Variants in FGF3 observed in about 807,000 individuals in gnomAD.
FGF3 encodes FGF-3.
In FGF3, 7 loss-of-function variants were observed where a neutral mutation model predicts 9.8. The ratio of observed to expected loss-of-function variants is 0.72; its 90% CI spans 0.41 to 1.35. The LOEUF is 1.35. Ranked by LOEUF, FGF3 falls within the 40% of genes most tolerant of loss-of-function variation. The pLI, the probability that FGF3 is intolerant of heterozygous loss-of-function variation, is 0.01. For synonymous variants in FGF3, 173 were observed against 157.2 expected (o/e 1.10, Z -0.75); for missense variants, 390 against 345.6 (o/e 1.13, Z -1.02).
chr11:69,813,616 G>T (rs370961617), intron 2 of FGF3, among the ~76,000 whole-genome samples: 2 of 48,060 alleles, frequency 4.2e-5, no homozygotes, highest in Non-Finnish European at 9.1e-5. Flanking sequence ...GGATGGATGG[G>T]TGGATGGATG....
chr11:69,816,203 G>T (rs1856129594), intron 2 of FGF3, 117 bp downstream of exon 2: 1 of 834,352 alleles, frequency 1.2e-6, no homozygotes, highest in Non-Finnish European at 2.1e-6. Flanking sequence ...GTCCTAGCTT[G>T]GGTCCCGTGT....
At chr11:69,813,548 G>C (rs1173040196) in intron 2 of FGF3, among the ~76,000 whole-genome samples, 1 of 149,574 alleles carries the variant, frequency 6.7e-6, no homozygotes, top group Non-Finnish European at 1.5e-5. Context: ...AGATGGGTGG[G>C]TGGATGGATG....
intron 1 of FGF3, among the ~76,000 whole-genome samples, chr11:69,817,858 T>C (rs1856162152): frequency 6.6e-6 from 1 of 152,124 alleles, no homozygotes; most frequent in Admixed American, 6.5e-5. Context: ...GGCGCGGGCC[T>C]CAGGTCCCTG....
rs923352661 is a variant in FGF3 at position 69,819,113 on chromosome 11, G to C, written c.-180C>G. ...GGGAAGGGTGGGCGAGAGAGAGAAA[G>C]AGAGGGAGAGTGGGAGAGGGAGAGG... On this transcript the variant is annotated 5_prime_UTR_variant, in exon 1 of 3. Coordinates refer to ENST00000334134, the MANE Select transcript of FGF3 (RefSeq NM_005247.4). 4 of 446,030 alleles carry C rather than the reference G, an allele frequency of 9.0e-6. No homozygotes were observed. The highest frequency in any genetic ancestry group is 1.6e-5 in the Non-Finnish European group (4 of 254,820). 27.6% of individuals were successfully genotyped at this position (446,030 alleles called of 1,614,324 possible).
chr11:69,812,364 G>A lies in FGF3; in HGVS notation c.325-1664C>T, dbSNP rs1333430838. The stretch of plus-strand genomic sequence containing the variant: ...CATCCTGTTTTTCAGCGACATGAAA[G>A]CCCAGAGCAGGGAAGGGTGGAAGGC... On this transcript the variant is annotated intron_variant, in intron 2 of 2. Transcript: ENST00000334134. Among the ~76,000 whole-genome samples, 3 of 152,204 alleles carry A rather than the reference G, an allele frequency of 2.0e-5. No homozygotes were observed. The East Asian group carries it at 5.8e-4, about 29-fold the overall frequency.
chr11:69,812,263 C>T (rs1006674921), intron 2 of FGF3, among the ~76,000 whole-genome samples: 2 of 152,098 alleles, frequency 1.3e-5, no homozygotes, highest in Non-Finnish European at 2.9e-5. Flanking sequence ...TGGAAATGGC[C>T]TCCAGAGGCT....
chr11:69,814,474 C>T (rs936814952), intron 2 of FGF3, among the ~76,000 whole-genome samples: 1 of 151,864 alleles, frequency 6.6e-6, no homozygotes, highest in Non-Finnish European at 1.5e-5. Flanking sequence ...GTGGTCTATA[C>T]CTCAGAAGGG....
chr11:69,811,763 C>T (rs187162553), intron 2 of FGF3, among the ~76,000 whole-genome samples: 17 of 152,298 alleles, frequency 1.1e-4, no homozygotes, highest in Admixed American at 3.3e-4. Flanking sequence ...GCTGGGGTGT[C>T]CCACCACAAG....
chr11:69,810,788 T>A, intron 2 of FGF3, 88 bp from the exon 3 acceptor site: 1 of 1,252,856 alleles, frequency 8.0e-7, no homozygotes, highest in Non-Finnish European at 1.1e-6. Flanking sequence ...CCTCCCCTCC[T>A]GTGAGGCTGT....
chr11:69,814,571 G>A (rs1856097373), intron 2 of FGF3, among the ~76,000 whole-genome samples: 1 of 152,100 alleles, frequency 6.6e-6, no homozygotes, highest in Non-Finnish European at 1.5e-5. Flanking sequence ...CATGCTGCCG[G>A]CAAAGTCCAG....
At position 69,816,409 on chromosome 11, in the gene FGF3, T is replaced by C; in HGVS notation, c.235A>G (p.Thr79Ala). Residue 79 changes from threonine to alanine, a missense_variant, in exon 2 of 3, where the codon ACG (threonine) becomes GCG (alanine). Thr to Ala is a moderately conservative substitution (Grantham distance 58, BLOSUM62 0). Coordinates refer to ENST00000334134, the MANE Select transcript of FGF3 (RefSeq NM_005247.4). ...GCCACAATGCCCACCTCCACTGCCG[T>C]TATCTCCAAAATACCTAGAAGAAAT... ...ENSAYSILEI[T>A]AVEVGIVAIR... is the part of the protein sequence containing the mutation. The C allele has an allele frequency of 1.9e-6, 3 of 1,613,696 alleles. No individual in the cohort carries two copies. The highest frequency in any genetic ancestry group is 3.3e-4 in the Middle Eastern group (2 of 6,062).
Position 69,819,124 on chromosome 11 carries a change from T to TGGGAGA in FGF3, c.-197_-192dup, listed in dbSNP as rs1258875122. ...GCGAGAGAGAGAAAGAGAGGGAGAG[T>TGGGAGA]GGGAGAGGGAGAGGGAGAGAGGGAA... On this transcript the variant is annotated 5_prime_UTR_variant, in exon 1 of 3. Coordinates refer to ENST00000334134, the MANE Select transcript of FGF3 (RefSeq NM_005247.4). 4.3e-5 allele frequency: 18 copies of TGGGAGA among 418,558 alleles called. No homozygotes were observed. Among genetic ancestry groups the TGGGAGA allele is most frequent in the Admixed American group, 3.7e-4 (8 of 21,474 alleles). 25.9% of individuals were successfully genotyped at this position (418,558 alleles called of 1,614,324 possible).
At chr11:69,816,233 A>T in intron 2 of FGF3, 87 bp downstream of exon 2, 3 of 1,047,298 alleles carry the variant, frequency 2.9e-6, no homozygotes, top group Non-Finnish European at 4.5e-6. Context: ...AAAGCATTCT[A>T]CTGCCCACAT....
At position 69,810,165 on chromosome 11, in the gene FGF3, C is replaced by T; in HGVS notation, c.*140G>A. ...GGGCCCTCTTCAGTTCCCACTGGAC[C>T]CTGATTTGAGCTGGCTCTGGAAATA... On this transcript the variant is annotated 3_prime_UTR_variant, in exon 3 of 3. Coordinates refer to ENST00000334134, the MANE Select transcript of FGF3 (RefSeq NM_005247.4). 2.3e-6 allele frequency: 2 copies of T among 856,316 alleles called. No homozygotes were observed. The highest frequency in any genetic ancestry group is 1.7e-6 in the Non-Finnish European group (1 of 574,804). 53.0% of individuals were successfully genotyped at this position (856,316 alleles called of 1,614,324 possible).
In FGF3 at chr11:69,818,716, T is replaced by A; in HGVS notation, c.218A>T (p.Tyr73Phe). ...RVNGSLENSA[Y>F]SILEITAVEV... ...GCCCCGCAGCGTCCGGCACTCACTG[T>A]AGGCGCTGTTCTCCAGGCTGCCGTT... Residue 73 changes from tyrosine to phenylalanine, a missense_variant and splice_region_variant, in exon 1 of 3, where the codon TAC (tyrosine) becomes TTC (phenylalanine). Transcript: ENST00000334134. 6.7e-7 allele frequency: 1 copy of A among 1,485,318 alleles called. No homozygotes were observed. The highest frequency in any genetic ancestry group is 8.9e-7 in the Non-Finnish European group (1 of 1,124,182). The allele number at this position is 1,485,318 out of a possible 1,614,324, so 92.0% of individuals were successfully genotyped here.
Position 69,816,300 on chromosome 11 carries a change from A to C in FGF3, c.324+20T>G. ...ACCGCTACTCCGTCAGCGCCCACCC[A>C]CGTGACAGCCTGGACTCACCGAAGC... On this transcript the variant is annotated intron_variant, in intron 2 of 2. Coordinates refer to ENST00000334134, the MANE Select transcript of FGF3 (RefSeq NM_005247.4). The C allele has an allele frequency of 6.3e-7, 1 of 1,588,968 alleles. No homozygotes were observed. Among genetic ancestry groups the C allele is most frequent in the Non-Finnish European group, 8.6e-7 (1 of 1,157,230 alleles).
In FGF3 at chr11:69,819,345, C is replaced by T. The variant is rs1372801585; in HGVS notation, c.-412G>A. ...GGGCGCCGTCTGCATACACTCGCCG[C>T]CAGCGCACCGCCGTCGAGCCGCGGC... On this transcript the variant is annotated 5_prime_UTR_variant, in exon 1 of 3. Transcript: ENST00000334134. 6.6e-6 allele frequency among the ~76,000 whole-genome samples: 1 copy of T among 151,658 alleles called. No individual in the cohort carries two copies. The highest frequency in any genetic ancestry group is 1.5e-5 in the Non-Finnish European group (1 of 67,832).
intron 2 of FGF3, among the ~76,000 whole-genome samples, chr11:69,811,041 G>A (rs1382491897): frequency 6.6e-6 from 1 of 152,250 alleles, no homozygotes; most frequent in African/African-American, 2.4e-5. Flanking sequence ...TGTCTGTGGA[G>A]CAGAGACCAG....
At position 69,819,006 on chromosome 11, in the gene FGF3, G is replaced by A; in HGVS notation, c.-73C>T. Reference sequence around the variant, plus strand: ...GGCGCCCATGGAAGGGGCGGCAGCCGGACAGCTGCGAGGTGCTCGGAGCGG... The same window carrying A: ...GGCGCCCATGGAAGGGGCGGCAGCCAGACAGCTGCGAGGTGCTCGGAGCGG... On this transcript the variant is annotated 5_prime_UTR_variant, in exon 1 of 3. Coordinates refer to ENST00000334134, the MANE Select transcript of FGF3 (RefSeq NM_005247.4). 2 of 1,035,866 alleles carry A rather than the reference G, an allele frequency of 1.9e-6. No homozygotes were observed. Among genetic ancestry groups the A allele is most frequent in the Admixed American group, 3.3e-5 (1 of 30,194 alleles). 64.2% of individuals were successfully genotyped at this position (1,035,866 alleles called of 1,614,324 possible). A position where few individuals can be genotyped will look rare whatever the true frequency, so the allele number is the denominator to read the frequency against.
Sources: gnomAD v4.1 joint callset for allele counts (sites outside exome capture counted in the v4.1 genomes callset) on GRCh38, gnomAD v4.1.1 for gene constraint, MANE v1.5 for transcripts, NCBI Gene and HGNC (gene_info 2026-07-23, HGNC 2026-07-21) for gene names.